The following WNT8B variants were observed in gnomAD, a reference collection of about 807,000 sequenced individuals.
The protein encoded by WNT8B is Wnt family member 8B, also known as protein Wnt-8b.
Under a neutral mutation model 36.6 loss-of-function variants are expected in WNT8B, and 24 were observed. The ratio of observed to expected loss-of-function variants is 0.66; its 90% CI spans 0.48 to 0.92. The LOEUF is 0.92. WNT8B is among the 40% of genes least tolerant of loss of function. The pLI is 0.00. For synonymous variants in WNT8B, 199 were observed against 189.8 expected, an observed-to-expected ratio of 1.05 and a Z score of -0.40; for missense variants, 402 against 470.8, an observed-to-expected ratio of 0.85 and a Z score of 1.35.
intron 1 of WNT8B, among the ~76,000 whole-genome samples, chr10:100,464,726 T>C (rs1485214362): frequency 6.6e-6 from 1 of 152,060 alleles, no homozygotes; most frequent in African/African-American, 2.4e-5. Flanking sequence ...GAAAACAGGG[T>C]TTAAGAGCCC....
At position 100,482,232 on chromosome 10, in the gene WNT8B, G is replaced by C; in HGVS notation, c.511-39G>C. 6.5e-7 allele frequency: 1 copy of C among 1,547,040 alleles called. No individual in the cohort carries two copies. ...ACAGGGGCAGTTAAACTCGCCACGC[G>C]CTTAATCCGGGGCCTCTCACTCCTA... On this transcript the variant is annotated intron_variant, in intron 5 of 5. Transcript: ENST00000343737. The surrounding 1 kb of genome is among the most constrained non-coding windows in gnomAD (Gnocchi z 6.6).
chr10:100,471,699 A>G (rs977437360), intron 1 of WNT8B, among the ~76,000 whole-genome samples: 2 of 152,374 alleles, frequency 1.3e-5, no homozygotes, highest in Admixed American at 1.3e-4. Context: ...CCTAGGCTCC[A>G]GCCCTGGCTT....
At chr10:100,468,691 A>G (rs770401485) in intron 1 of WNT8B, among the ~76,000 whole-genome samples, 1 of 152,272 alleles carries the variant, frequency 6.6e-6, no homozygotes, top group East Asian at 1.9e-4. Flanking sequence ...CTATCACTCT[A>G]TAAAATATCC....
In WNT8B at chr10:100,470,083, C is replaced by T. The variant is rs146742596; in HGVS notation, c.68+6847C>T. On this transcript the variant is annotated intron_variant, in intron 1 of 5. Coordinates refer to ENST00000343737, the MANE Select transcript of WNT8B (RefSeq NM_003393.4). ...TTCCCCTGGGCCAGCACTCCAATTTCGGTAATCAGATGTCTCTCTCCTAAA... is the reference window on the plus strand; with the variant it reads ...TTCCCCTGGGCCAGCACTCCAATTTTGGTAATCAGATGTCTCTCTCCTAAA... Among the ~76,000 whole-genome samples, 51 of 152,290 alleles carry T rather than the reference C, an allele frequency of 3.3e-4. No individual in the cohort carries two copies. The East Asian group carries it at 4.2e-3, about 13-fold the overall frequency.
At chr10:100,470,942 C>T (rs749643629) in intron 1 of WNT8B, among the ~76,000 whole-genome samples, 7 of 152,022 alleles carry the variant, frequency 4.6e-5, no homozygotes, top group Non-Finnish European at 1.0e-4. Flanking sequence ...GGGGTTTCAC[C>T]GTGTTAGCCA....
At chr10:100,465,258 A>G (rs1278135854) in intron 1 of WNT8B, among the ~76,000 whole-genome samples, 1 of 152,146 alleles carries the variant, frequency 6.6e-6, no homozygotes, top group Non-Finnish European at 1.5e-5. Context: ...AGTTTTTTAT[A>G]GTTGGGACAC....
chr10:100,472,677 A>G (rs977309791), intron 1 of WNT8B, among the ~76,000 whole-genome samples: 6 of 152,234 alleles, frequency 3.9e-5, no homozygotes, highest in African/African-American at 1.4e-4. Flanking sequence ...AGAAGAAACA[A>G]TTGTAAAATT....
In WNT8B at chr10:100,481,996, A is replaced by G. The variant is rs753318470; in HGVS notation, c.452A>G (p.Glu151Gly). Residue 151 changes from glutamate to glycine, a missense_variant, in exon 5 of 6, where the codon GAA becomes GGA. By Grantham distance (98) the Glu-to-Gly change is moderately conservative. Transcript: ENST00000343737. ...AISKQFVDAL[E>G]TGQDARAAMN... Reference sequence around the variant, plus strand: ...TCCAAGCAGTTTGTCGATGCCCTGGAAACAGGACAGGATGCACGGGCAGCC... The same window carrying G: ...TCCAAGCAGTTTGTCGATGCCCTGGGAACAGGACAGGATGCACGGGCAGCC... 5.6e-6 allele frequency: 9 copies of G among 1,614,186 alleles called. No individual in the cohort carries two copies. Among genetic ancestry groups the G allele is most frequent in the African/African-American group, 1.3e-5 (1 of 75,036 alleles).
intron 1 of WNT8B, among the ~76,000 whole-genome samples, chr10:100,470,128 A>G (rs1850959447): frequency 6.6e-6 from 1 of 152,150 alleles, no homozygotes; most frequent in African/African-American, 2.4e-5. Context: ...ACTGAGCCTC[A>G]TGACTCAGAG....
rs138709733 is a variant in WNT8B at position 100,482,549 on chromosome 10, G to A, written c.789G>A (p.Gly263=). 1 of 1,599,256 alleles carries A rather than the reference G, an allele frequency of 6.3e-7. No homozygotes were observed. The highest frequency in any genetic ancestry group is 1.1e-5 in the South Asian group (1 of 90,818). The change falls in exon 6 of 6, where the codon GGG becomes GGA. Residue 263 remains glycine (G), a synonymous_variant. Coordinates refer to ENST00000343737, the MANE Select transcript of WNT8B (RefSeq NM_003393.4). The surrounding 1 kb of genome is among the most constrained non-coding windows in gnomAD (Gnocchi z 6.6). Reference sequence around the variant, plus strand: ...ACTGCCTGGAGAACAAAACGCTAGGGCTGCTGGGCACCGAAGGCCGAGAGT... The same window carrying A: ...ACTGCCTGGAGAACAAAACGCTAGGACTGCTGGGCACCGAAGGCCGAGAGT... ...PDYCLENKTL[G]LLGTEGRECL...
chr10:100,467,664 G>A (rs1270209256), intron 1 of WNT8B, among the ~76,000 whole-genome samples: 1 of 152,132 alleles, frequency 6.6e-6, no homozygotes, highest in Non-Finnish European at 1.5e-5. Context: ...TATCCTGTCT[G>A]GTATTTCCTC....
chr10:100,463,240 A>G lies in WNT8B; in HGVS notation c.68+4A>G. On this transcript the variant is annotated splice_donor_region_variant and intron_variant, in intron 1 of 5. Transcript: ENST00000343737. Reference sequence around the variant, plus strand: ...TCCTCCAACTCAGCCACAGCTGGTAAGTAACCTGGACTCTTACCTGGAGCT... The same window carrying G: ...TCCTCCAACTCAGCCACAGCTGGTAGGTAACCTGGACTCTTACCTGGAGCT... The G allele has an allele frequency of 6.2e-7, 1 of 1,613,502 alleles. No homozygotes were observed. The highest frequency in any genetic ancestry group is 8.5e-7 in the Non-Finnish European group (1 of 1,179,500).
At chr10:100,473,132 C>G in intron 1 of WNT8B, among the ~76,000 whole-genome samples, 1 of 152,152 alleles carries the variant, frequency 6.6e-6, no homozygotes, top group East Asian at 1.9e-4. Context: ...ATAATTAAGG[C>G]AGCCCATACT....
chr10:100,471,455 CATAG>C, intron 1 of WNT8B, among the ~76,000 whole-genome samples: 1 of 152,298 alleles, frequency 6.6e-6, no homozygotes, highest in Non-Finnish European at 1.5e-5. Flanking sequence ...GTTTTGTGGA[CATAG>C]AAGCAGTAGG....
rs531506699 is a variant in WNT8B, at chr10:100,483,050, G to A, written c.*234G>A. 8.4e-6 allele frequency: 4 copies of A among 473,886 alleles called. No individual in the cohort carries two copies. The South Asian group carries it at 1.5e-4, about 18-fold the overall frequency. The allele number at this position is 473,886 out of a possible 1,614,324, so 29.4% of individuals were successfully genotyped here. ...GCCACACCTAGGTCTGAGAACTCAG[G>A]CTTTGAGTTACTGATCTTCCTTGGA... On this transcript the variant is annotated 3_prime_UTR_variant, in exon 6 of 6. Transcript: ENST00000343737.
rs1243758081 is a variant in WNT8B, at chr10:100,481,770, C to A, written c.368-142C>A. 6.7e-6 allele frequency: 8 copies of A among 1,199,460 alleles called. No homozygotes were observed. The Admixed American group carries it at 2.3e-4, about 34-fold the overall frequency. The allele number at this position is 1,199,460 out of a possible 1,614,324, so 74.3% of individuals were successfully genotyped here. On this transcript the variant is annotated intron_variant, in intron 4 of 5. Coordinates refer to ENST00000343737, the MANE Select transcript of WNT8B (RefSeq NM_003393.4). ...TGGCAAAAACAAATCTAGACGGCAACTGATCTGGATACAGGGCACTCGCCC... is the reference window on the plus strand; with the variant it reads ...TGGCAAAAACAAATCTAGACGGCAAATGATCTGGATACAGGGCACTCGCCC...
In WNT8B at chr10:100,480,782, G is replaced by A. The variant is rs532681195; in HGVS notation, c.242-216G>A. Among the ~76,000 whole-genome samples, 9 of 152,268 alleles carry A rather than the reference G, an allele frequency of 5.9e-5. No homozygotes were observed. The South Asian group carries it at 1.9e-3, about 32-fold the overall frequency. ...CAAGCTCTTTGGGAGGACGAGGTAG[G>A]AAGACTGAGCCCAGAGTTTGAGACA... On this transcript the variant is annotated intron_variant, in intron 3 of 5. Coordinates refer to ENST00000343737, the MANE Select transcript of WNT8B (RefSeq NM_003393.4).
intron 1 of WNT8B, among the ~76,000 whole-genome samples, chr10:100,465,213 A>G (rs1054681475): frequency 2.6e-5 from 4 of 152,218 alleles, no homozygotes; most frequent in African/African-American, 9.6e-5. Context: ...TAGGTAAATC[A>G]GTACAAGATG....
rs1398122869 is a variant in WNT8B at position 100,483,672 on chromosome 10, C to A, written c.*856C>A. The A allele has an allele frequency of 6.6e-6, 1 of 152,242 alleles. No individual in the cohort carries two copies. Among genetic ancestry groups the A allele is most frequent in the Non-Finnish European group, 1.5e-5 (1 of 68,074 alleles). 9.4% of individuals were successfully genotyped at this position (152,242 alleles called of 1,614,324 possible). On this transcript the variant is annotated 3_prime_UTR_variant, in exon 6 of 6. Coordinates refer to ENST00000343737, the MANE Select transcript of WNT8B (RefSeq NM_003393.4). ...CTTTACCTCTTCTTCTCCAAAGGAT[C>A]TTTGTTCCTCTGAGCCAAGACTGAG...
Sources: allele counts gnomAD v4.1 joint callset (sites outside exome capture counted in the v4.1 genomes callset), GRCh38; gene constraint gnomAD v4.1.1; non-coding constraint Gnocchi (gnomAD v3.1); transcripts MANE v1.5; gene names NCBI Gene and HGNC (gene_info 2026-07-23, HGNC 2026-07-21).